ASB13: variants seen among roughly 807,000 people sequenced by gnomAD.
ASB13 encodes ankyrin repeat and SOCS box containing 13.
ASB13 carries 33 observed loss-of-function variants against 28.8 expected under a neutral mutation model. The observed-to-expected ratio is 1.15, with a 90% confidence interval of 0.87 to 1.53. The LOEUF is 1.53. ASB13 is among the 40% of genes most tolerant of loss of function. The pLI, the probability that ASB13 is intolerant of heterozygous loss-of-function variation, is 0.00. For synonymous variants in ASB13, 182 were observed against 172.9 expected (o/e 1.05, Z -0.41); for missense variants, 414 against 390.1 (o/e 1.06, Z -0.52).
intron 1 of ASB13, among the ~76,000 whole-genome samples, chr10:5,666,228 G>A (rs985562702): frequency 6.6e-6 from 1 of 151,032 alleles, no homozygotes; most frequent in Non-Finnish European, 1.5e-5. Flanking sequence ...CGCGGCGCTC[G>A]GTGGGTTTGC....
Position 5,660,262 on chromosome 10 carries a change from T to C in ASB13, c.43+6247A>G, listed in dbSNP as rs1376995622. 6.6e-6 allele frequency among the ~76,000 whole-genome samples: 1 copy of C among 152,236 alleles called. No homozygotes were observed. The highest frequency in any genetic ancestry group is 1.5e-5 in the Non-Finnish European group (1 of 68,048). Reference sequence around the variant, plus strand: ...GAATGACACGTGCTTCAGAACGTTCTCTCCACTCTTCCACCCACGATACGA... The same window carrying C: ...GAATGACACGTGCTTCAGAACGTTCCCTCCACTCTTCCACCCACGATACGA... On this transcript the variant is annotated intron_variant, in intron 1 of 5. Coordinates refer to ENST00000357700, the MANE Select transcript of ASB13 (RefSeq NM_024701.4). The surrounding 1 kb of genome is among the most constrained non-coding windows in gnomAD (Gnocchi z 6.1).
chr10:5,641,879 C>T lies in ASB13; in HGVS notation c.600G>A (p.Met200Ile). Reference sequence around the variant, plus strand: ...AGATGTTGCCGCCAAACTCGATAAGCATCTCGATGAGGTCAACATTCTTGA... The same window carrying T: ...AGATGTTGCCGCCAAACTCGATAAGTATCTCGATGAGGTCAACATTCTTGA... ...AKVKNVDLIE[M>I]LIEFGGNIYA... The change falls in exon 5 of 6, where the codon ATG (methionine) becomes ATA (isoleucine). Residue 200 changes from methionine (M) to isoleucine (I), a missense_variant. Met to Ile is a conservative substitution (Grantham distance 10). Coordinates refer to ENST00000357700, the MANE Select transcript of ASB13 (RefSeq NM_024701.4). This position sits in a 1 kb window ranked among gnomAD's most constrained non-coding sequence, Gnocchi z 8.4. The T allele has an allele frequency of 1.2e-6, 2 of 1,614,140 alleles. No individual in the cohort carries two copies. Among genetic ancestry groups the T allele is most frequent in the Non-Finnish European group, 1.7e-6 (2 of 1,180,012 alleles).
Position 5,652,984 on chromosome 10 carries a change from T to A in ASB13, c.110A>T (p.Gln37Leu). ...AQRGESLQLQ[Q>L]LIESGACVNQ... Reference sequence around the variant, plus strand: ...CACGCAGGCGCCGCTCTCGATCAGCTGTTGCAGCTGCAGGCTCTCACCCCG... The same window carrying A: ...CACGCAGGCGCCGCTCTCGATCAGCAGTTGCAGCTGCAGGCTCTCACCCCG... Residue 37 changes from glutamine to leucine, a missense_variant, in exon 2 of 6, where the codon CAG becomes CTG. Gln to Leu is a moderately radical substitution (Grantham distance 113). Coordinates refer to ENST00000357700, the MANE Select transcript of ASB13 (RefSeq NM_024701.4). The surrounding 1 kb of genome is among the most constrained non-coding windows in gnomAD (Gnocchi z 5.0). 1 of 1,555,914 alleles carries A rather than the reference T, an allele frequency of 6.4e-7. No homozygotes were observed. Among genetic ancestry groups the A allele is most frequent in the Admixed American group, 1.9e-5 (1 of 51,302 alleles).
rs12414278 is a variant in ASB13 at position 5,640,341 on chromosome 10, C to G, written c.*362G>C. 11,807 of 177,218 alleles carry G rather than the reference C, an allele frequency of 0.067. 742 individuals are homozygous for G. The highest frequency in any genetic ancestry group is 0.22 in the Admixed American group (3,727 of 16,880). The allele number at this position is 177,218 out of a possible 1,614,324, so 11.0% of individuals were successfully genotyped here. A position where few individuals can be genotyped will look rare whatever the true frequency, so the allele number is the denominator to read the frequency against. ...GAGTGAGAATCAGCAACAATGCCCT[C>G]AGTCCCCAGCTCTGCCAGCCTCCTC... On this transcript the variant is annotated 3_prime_UTR_variant, in exon 6 of 6. Coordinates refer to ENST00000357700, the MANE Select transcript of ASB13 (RefSeq NM_024701.4).
In ASB13 at chr10:5,642,341, T is replaced by G. The variant is rs1016953146; in HGVS notation, c.518-380A>C. 2.4e-6 allele frequency: 1 copy of G among 422,586 alleles called. No individual in the cohort carries two copies. The highest frequency in any genetic ancestry group is 9.0e-4 in the Middle Eastern group (1 of 1,106). The allele number at this position is 422,586 out of a possible 1,614,324, so 26.2% of individuals were successfully genotyped here. A position where few individuals can be genotyped will look rare whatever the true frequency, so the allele number is the denominator to read the frequency against. ...GCCACTCAAGCACTCCCGCCTGGCC[T>G]CCAGCACAGACACACACTGCTTCTT... On this transcript the variant is annotated intron_variant, in intron 4 of 5. Coordinates refer to ENST00000357700, the MANE Select transcript of ASB13 (RefSeq NM_024701.4). The surrounding 1 kb of genome is among the most constrained non-coding windows in gnomAD (Gnocchi z 4.1).
At chr10:5,653,950 G>C (rs1014923743) in intron 1 of ASB13, among the ~76,000 whole-genome samples, 1 of 152,060 alleles carries the variant, frequency 6.6e-6, no homozygotes, top group Non-Finnish European at 1.5e-5. Flanking sequence ...TCAAAGTGCT[G>C]GGATTACAGG....
At chr10:5,653,741 G>A (rs1275898653) in intron 1 of ASB13, among the ~76,000 whole-genome samples, 4 of 152,094 alleles carry the variant, frequency 2.6e-5, no homozygotes, top group Non-Finnish European at 5.9e-5. Flanking sequence ...GAGTGCAATG[G>A]TGTGATCTCA....
In ASB13 at chr10:5,652,771, A is replaced by G; in HGVS notation, c.231+92T>C. 1 of 1,329,358 alleles carries G rather than the reference A, an allele frequency of 7.5e-7. No homozygotes were observed. The highest frequency in any genetic ancestry group is 1.0e-6 in the Non-Finnish European group (1 of 996,174). 82.3% of individuals were successfully genotyped at this position (1,329,358 alleles called of 1,614,324 possible). On this transcript the variant is annotated intron_variant, in intron 2 of 5. Coordinates refer to ENST00000357700, the MANE Select transcript of ASB13 (RefSeq NM_024701.4). The surrounding 1 kb of genome is among the most constrained non-coding windows in gnomAD (Gnocchi z 5.0). ...GTGCAGTGGACACAGTGCAGCCCCC[A>G]TCCTCCCCTCTTTCCCAAGTTCTCC...
chr10:5,644,471 G>A lies in ASB13; in HGVS notation c.518-2510C>T, dbSNP rs1177410621. Among the ~76,000 whole-genome samples, 2 of 152,132 alleles carry A rather than the reference G, an allele frequency of 1.3e-5. No individual in the cohort carries two copies. Among genetic ancestry groups the A allele is most frequent in the East Asian group, 3.8e-4 (2 of 5,196 alleles). ...CGATCGTACCACTGCACTCCAGCCT[G>A]GATGACAGAGTGAGGCCCATAGTGA... On this transcript the variant is annotated intron_variant, in intron 4 of 5. Transcript: ENST00000357700. This position sits in a 1 kb window ranked among gnomAD's most constrained non-coding sequence, Gnocchi z 5.1.
chr10:5,652,115 T>C lies in ASB13; in HGVS notation c.231+748A>G, dbSNP rs539557594. Among the ~76,000 whole-genome samples, 2 of 145,072 alleles carry C rather than the reference T, an allele frequency of 1.4e-5. No individual in the cohort carries two copies. The highest frequency in any genetic ancestry group is 4.4e-4 in the East Asian group (2 of 4,584). On this transcript the variant is annotated intron_variant, in intron 2 of 5. Coordinates refer to ENST00000357700, the MANE Select transcript of ASB13 (RefSeq NM_024701.4). This position sits in a 1 kb window ranked among gnomAD's most constrained non-coding sequence, Gnocchi z 5.0. The stretch of plus-strand genomic sequence containing the variant: ...CTGAGACAGCTTACCACGCCTCCCC[T>C]AGTGAGAAAGTCAGAGGCCAGGAAA...
chr10:5,653,953 A>G (rs1835031286), intron 1 of ASB13, among the ~76,000 whole-genome samples: 1 of 152,036 alleles, frequency 6.6e-6, no homozygotes. Flanking sequence ...AAGTGCTGGG[A>G]TTACAGGTGT....
intron 4 of ASB13, among the ~76,000 whole-genome samples, chr10:5,648,474 GTAAA>G (rs1834925652): frequency 6.8e-6 from 1 of 146,598 alleles, no homozygotes; most frequent in South Asian, 2.2e-4. Flanking sequence ...ACCCACTCAG[GTAAA>G]CACCCACTCG....
At position 5,661,098 on chromosome 10, in the gene ASB13, A is replaced by G. The variant is rs1206856312; in HGVS notation, c.43+5411T>C. Among the ~76,000 whole-genome samples the G allele has an allele frequency of 6.6e-6, 1 of 152,222 alleles. No individual in the cohort carries two copies. Among genetic ancestry groups the G allele is most frequent in the Non-Finnish European group, 1.5e-5 (1 of 68,028 alleles). ...GTATCTCCTCAGTCATCCCAGAGCC[A>G]GAGCCCCACTCGTTGGGCCCAAGTG... On this transcript the variant is annotated intron_variant, in intron 1 of 5. Coordinates refer to ENST00000357700, the MANE Select transcript of ASB13 (RefSeq NM_024701.4). The surrounding 1 kb of genome is among the most constrained non-coding windows in gnomAD (Gnocchi z 4.9).
chr10:5,653,101 C>T (rs1398340062), intron 1 of ASB13, 51 bp from the exon 2 acceptor site: 3 of 1,475,950 alleles, frequency 2.0e-6, no homozygotes, highest in African/African-American at 1.4e-5. Context: ...CCATCCAGGA[C>T]AAATGAGCAC....
At chr10:5,666,427 C>A in intron 1 of ASB13, 82 bp downstream of exon 1, 4 of 1,177,262 alleles carry the variant, frequency 3.4e-6, no homozygotes, top group South Asian at 2.9e-5. Context: ...ACCACCTCCC[C>A]GGCGCAGGCC....
chr10:5,646,581 C>T (rs1834888942), intron 4 of ASB13, among the ~76,000 whole-genome samples: 1 of 152,192 alleles, frequency 6.6e-6, no homozygotes, highest in South Asian at 2.1e-4. Flanking sequence ...CTGGGTGACA[C>T]CACGGAACCT....
intron 1 of ASB13, among the ~76,000 whole-genome samples, chr10:5,665,315 T>TA (rs1835241677): frequency 6.6e-6 from 1 of 152,166 alleles, no homozygotes; most frequent in Admixed American, 6.5e-5. Context: ...ACACTGGGAA[T>TA]AAAAAACATC....
At position 5,665,738 on chromosome 10, in the gene ASB13, C is replaced by T. The variant is rs574453498; in HGVS notation, c.43+771G>A. The stretch of plus-strand genomic sequence containing the variant: ...GCAACTTCCTCTTCAGCTAAATTTA[C>T]CCTTAAGACTTTTCCCTCTTAGGTG... On this transcript the variant is annotated intron_variant, in intron 1 of 5. Transcript: ENST00000357700. Among the ~76,000 whole-genome samples the T allele has an allele frequency of 3.3e-5, 5 of 152,300 alleles. No individual in the cohort carries two copies. The South Asian group carries it at 1.0e-3, about 32-fold the overall frequency.
At position 5,640,682 on chromosome 10, in the gene ASB13, G is replaced by A. The variant is rs780688047; in HGVS notation, c.*21C>T. 1.3e-4 allele frequency: 205 copies of A among 1,613,714 alleles called. No individual in the cohort carries two copies. Among genetic ancestry groups the A allele is most frequent in the Non-Finnish European group, 1.6e-4 (194 of 1,179,838 alleles). ...TGCTGGGCACAACGGGGGCAGCCAC[G>A]GTCCGGACCCCACCTGCAATTCAGT... On this transcript the variant is annotated 3_prime_UTR_variant, in exon 6 of 6. Transcript: ENST00000357700.
Sources: gnomAD v4.1 joint callset for allele counts (sites outside exome capture counted in the v4.1 genomes callset) on GRCh38, gnomAD v4.1.1 for gene constraint, Gnocchi (gnomAD v3.1) non-coding constraint, MANE v1.5 for transcripts, NCBI Gene and HGNC (gene_info 2026-07-23, HGNC 2026-07-21) for gene names.